TXNDC15: variants seen among roughly 807,000 people sequenced by gnomAD.
TXNDC15 encodes thioredoxin domain containing 15.
A neutral mutation model predicts 35.0 loss-of-function variants in TXNDC15; 24 were observed. The observed-to-expected ratio is 0.68, with a 90% CI of 0.50 to 0.96. The LOEUF (loss-of-function observed/expected upper bound fraction) is 0.96, where lower values mean the gene tolerates loss of function less well. Among genes scored for constraint, TXNDC15 ranks in the 40% least tolerant of loss-of-function variants. The pLI is 0.00. For missense variants in TXNDC15, 385 were observed against 453.3 expected, an observed-to-expected ratio of 0.85 and a Z score of 1.37; for synonymous variants, 169 against 174.0, an observed-to-expected ratio of 0.97 and a Z score of 0.23.
rs757651106 is a variant in TXNDC15, at chr5:134,887,739, C to T, written c.148C>T (p.His50Tyr). The T allele has an allele frequency of 1.2e-6, 2 of 1,609,710 alleles. No homozygotes were observed. The highest frequency in any genetic ancestry group is 1.7e-6 in the Non-Finnish European group (2 of 1,176,692). The change falls in exon 2 of 5, where the codon CAC becomes TAC. Residue 50 changes from histidine (H) to tyrosine (Y), a missense_variant. Transcript: ENST00000358387. ...CTTATGGTCAGAGGAGCAGCCTGCT[C>T]ACCCTCTCCAGGTGGGGGCTGTGTA... is the stretch of plus-strand genomic sequence containing the variant. ...GRLWSEEQPA[H>Y]PLQVGAVYLG...
chr5:134,874,595 T>G, intron 1 of TXNDC15, 65 bp downstream of exon 1: 1 of 1,357,626 alleles, frequency 7.4e-7, no homozygotes. Flanking sequence ...CGGGCGACGC[T>G]CTGGACCTGC....
chr5:134,884,376 AAAGCTGGGATTAC>A (rs1750233034), intron 1 of TXNDC15, among the ~76,000 whole-genome samples: 1 of 149,864 alleles, frequency 6.7e-6, no homozygotes, highest in Non-Finnish European at 1.5e-5. Context: ...AGCCTCCCAA[AAAGCTGGGATTAC>A]AAGCATGCGC....
intron 4 of TXNDC15, among the ~76,000 whole-genome samples, chr5:134,898,903 C>T (rs555256363): frequency 2.6e-5 from 4 of 152,144 alleles, no homozygotes; most frequent in Admixed American, 6.6e-5. Context: ...GGTGAAACCT[C>T]GTCTCTACTA....
chr5:134,891,713 C>T (rs1479370061), intron 2 of TXNDC15, among the ~76,000 whole-genome samples: 1 of 152,156 alleles, frequency 6.6e-6, no homozygotes, highest in South Asian at 2.1e-4. Flanking sequence ...TTGCTTAAAC[C>T]TAGGAGTTCC....
At chr5:134,897,699 G>A (rs926425744) in intron 4 of TXNDC15, among the ~76,000 whole-genome samples, 1 of 152,228 alleles carries the variant, frequency 6.6e-6, no homozygotes, top group African/African-American at 2.4e-5. Context: ...TTCACAAAGT[G>A]AACACCCTGG....
In TXNDC15 at chr5:134,896,253, TTAATAATAAATTCAGGTTTTTTG is replaced by T; in HGVS notation, c.756-40_756-18del. 1 of 1,595,706 alleles carries T rather than the reference TTAATAATAAATTCAGGTTTTTTG, an allele frequency of 6.3e-7. No individual in the cohort carries two copies. Among genetic ancestry groups the T allele is most frequent in the South Asian group, 1.1e-5 (1 of 87,308 alleles). The stretch of plus-strand genomic sequence containing the variant: ...GGTAATTGTATGAGAAAGCCCTCTA[TTAATAATAAATTCAGGTTTTTTG>T]ACTTCTTTCTCTTGTAGCCTTTCTA... On this transcript the variant is annotated intron_variant, in intron 3 of 4. Coordinates refer to ENST00000358387, the MANE Select transcript of TXNDC15 (RefSeq NM_024715.4).
Position 134,893,637 on chromosome 5 carries a change from A to G in TXNDC15, c.737A>G (p.Asp246Gly), listed in dbSNP as rs773118141. Residue 246 changes from aspartate to glycine, a missense_variant, in exon 3 of 5, where the codon GAT becomes GGT. By Grantham distance (94) the Asp-to-Gly change is moderately conservative. Coordinates refer to ENST00000358387, the MANE Select transcript of TXNDC15 (RefSeq NM_024715.4). ...CCAGCTCTTCACTTTTTGGCACTGG[A>G]TGCATCTCAGCACAGCAGGTATCTT... ...AFPALHFLAL[D>G]ASQHSSLSTR... is the part of the protein sequence containing the mutation. The G allele has an allele frequency of 2.5e-6, 4 of 1,614,012 alleles. No individual in the cohort carries two copies. The South Asian group carries it at 3.3e-5, about 13-fold the overall frequency.
chr5:134,881,294 G>A (rs2150184654), intron 1 of TXNDC15, among the ~76,000 whole-genome samples: 1 of 126,044 alleles, frequency 7.9e-6, no homozygotes, highest in South Asian at 2.8e-4. Context: ...ATAAACAAGT[G>A]AACAAAGGTC....
In TXNDC15 at chr5:134,888,166, T is replaced by C. The variant is rs778338286; in HGVS notation, c.575T>C (p.Ile192Thr). ...ITGLENFTLK[I>T]LNMSQDLMDF... Reference sequence around the variant, plus strand: ...GGATTAGAAAATTTCACTCTGAAAATTTTAAATATGTCACAGGTAAGGAAA... The same window carrying C: ...GGATTAGAAAATTTCACTCTGAAAACTTTAAATATGTCACAGGTAAGGAAA... The change falls in exon 2 of 5, where the codon ATT becomes ACT. Residue 192 changes from isoleucine to threonine, a missense_variant. Coordinates refer to ENST00000358387, the MANE Select transcript of TXNDC15 (RefSeq NM_024715.4). 6.2e-7 allele frequency: 1 copy of C among 1,602,912 alleles called. No homozygotes were observed. The highest frequency in any genetic ancestry group is 8.5e-7 in the Non-Finnish European group (1 of 1,173,056).
chr5:134,875,432 G>A (rs1275376792), intron 1 of TXNDC15: 1 of 456,000 alleles, frequency 2.2e-6, no homozygotes, highest in South Asian at 1.6e-5. Flanking sequence ...GAATGAAAGC[G>A]CTCACTGTGT....
At chr5:134,895,902 T>G (rs150265477) in intron 3 of TXNDC15, 1 of 185,606 alleles carries the variant, frequency 5.4e-6, no homozygotes, top group East Asian at 1.8e-4. Flanking sequence ...CTACTGTAAG[T>G]TGATCTTTTT....
chr5:134,892,479 A>G (rs993483989), intron 2 of TXNDC15: 1 of 152,302 alleles, frequency 6.6e-6, no homozygotes, highest in South Asian at 2.1e-4. Flanking sequence ...TATCATTTGC[A>G]TATTCATTGA....
rs1750567405 is a variant in TXNDC15 at position 134,899,903 on chromosome 5, A to G, written c.*218A>G. ...TGCAAAAATATTCAATAGATGCACT[A>G]TTCTTGTTTTTACTGCATGAACGTA... On this transcript the variant is annotated 3_prime_UTR_variant, in exon 5 of 5. Coordinates refer to ENST00000358387, the MANE Select transcript of TXNDC15 (RefSeq NM_024715.4). The G allele has an allele frequency of 2.2e-6, 1 of 463,118 alleles. No individual in the cohort carries two copies. The highest frequency in any genetic ancestry group is 3.8e-6 in the Non-Finnish European group (1 of 266,070). 28.7% of individuals were successfully genotyped at this position (463,118 alleles called of 1,614,324 possible). A position where few individuals can be genotyped will look rare whatever the true frequency, so the allele number is the denominator to read the frequency against.
chr5:134,888,774 G>A (rs1750329346), intron 2 of TXNDC15, among the ~76,000 whole-genome samples: 1 of 152,162 alleles, frequency 6.6e-6, no homozygotes, highest in Non-Finnish European at 1.5e-5. Flanking sequence ...GAGCCACCGT[G>A]CCCGGCCATT....
intron 1 of TXNDC15, among the ~76,000 whole-genome samples, chr5:134,882,518 C>T (rs969516701): frequency 6.6e-5 from 10 of 152,210 alleles, no homozygotes; most frequent in Admixed American, 6.5e-4. Flanking sequence ...TTGTAGCGAG[C>T]CGAGATCACG....
At chr5:134,891,523 T>G (rs184615505) in intron 2 of TXNDC15, among the ~76,000 whole-genome samples, 32 of 152,324 alleles carry the variant, frequency 2.1e-4, no homozygotes, top group African/African-American at 7.7e-4. Flanking sequence ...GAAACCATGC[T>G]GTAAACAGAT....
At chr5:134,883,082 A>T (rs1364357175) in intron 1 of TXNDC15, among the ~76,000 whole-genome samples, 3 of 151,836 alleles carry the variant, frequency 2.0e-5, no homozygotes, top group Non-Finnish European at 4.4e-5. Flanking sequence ...TGAGGCCAGG[A>T]GTTTGAGACC....
chr5:134,892,032 C>T (rs1750399204), intron 2 of TXNDC15: 1 of 152,182 alleles, frequency 6.6e-6, no homozygotes, highest in Non-Finnish European at 1.5e-5. Context: ...CATCTCTTGT[C>T]TAGCTATGAA....
chr5:134,888,032 T>C lies in TXNDC15; in HGVS notation c.441T>C (p.Tyr147=). 6.2e-7 allele frequency: 1 copy of C among 1,614,056 alleles called. No homozygotes were observed. Among genetic ancestry groups the C allele is most frequent in the Middle Eastern group, 1.6e-4 (1 of 6,062 alleles). The change falls in exon 2 of 5, where the codon TAT becomes TAC. Residue 147 remains tyrosine, a synonymous_variant. Coordinates refer to ENST00000358387, the MANE Select transcript of TXNDC15 (RefSeq NM_024715.4). ...GAHFPDREEE[Y]YTEPEVAESD... is the part of the protein sequence containing the mutation. ...ACTTCCCTGACAGAGAAGAGGAGTATTACACAGAGCCAGAAGTGGCGGAAT... is the reference window on the plus strand; with the variant it reads ...ACTTCCCTGACAGAGAAGAGGAGTACTACACAGAGCCAGAAGTGGCGGAAT...
Sources: allele counts gnomAD v4.1 joint callset (sites outside exome capture counted in the v4.1 genomes callset), GRCh38; gene constraint gnomAD v4.1.1; transcripts MANE v1.5; gene names NCBI Gene and HGNC (gene_info 2026-07-23, HGNC 2026-07-21).